Variants in NRG1 observed in about 807,000 individuals in gnomAD.
NRG1 encodes neuregulin 1, also known as pro-neuregulin-1, membrane-bound isoform.
A neutral mutation model predicts 63.8 loss-of-function variants in NRG1; 18 were observed. That is an observed-to-expected ratio of 0.28 (90% CI 0.19 to 0.42). The LOEUF is 0.42. Ranked by LOEUF, NRG1 falls within the 10% of genes least tolerant of loss-of-function variation. The pLI is 1.00. For missense variants in NRG1, 762 were observed against 814.7 expected (o/e 0.94, Z 0.79); for synonymous variants, 302 against 301.3 (o/e 1.00, Z -0.02).
intron 1 of NRG1, among the ~76,000 whole-genome samples, chr8:31,830,349 CCTTCCT>C: frequency 2.8e-4 from 30 of 105,916 alleles, no homozygotes; most frequent in African/African-American, 1.1e-3. Context: ...TTCCTTCCTT[CCTTCCT>C]TCCTTCCCTC....
intron 1 of NRG1, among the ~76,000 whole-genome samples, chr8:31,966,336 G>A (rs1806328523): frequency 6.6e-6 from 1 of 152,134 alleles, no homozygotes; most frequent in Admixed American, 6.5e-5. Flanking sequence ...TTTGCATTCT[G>A]GAGTAATAAT....
chr8:31,935,198 C>G (rs1262994641), intron 1 of NRG1, among the ~76,000 whole-genome samples: 1 of 152,044 alleles, frequency 6.6e-6, no homozygotes. Flanking sequence ...CTCACTGCAA[C>G]CTCAACCTCC....
At chr8:32,647,663 C>A in intron 5 of NRG1, 1 of 1,502,394 alleles carries the variant, frequency 6.7e-7, no homozygotes, top group South Asian at 1.4e-5. Flanking sequence ...TTGGGGGGGC[C>A]TCTGCGTGGT....
At chr8:31,791,882 C>A (rs1272193420) in intron 1 of NRG1, among the ~76,000 whole-genome samples, 6 of 152,178 alleles carry the variant, frequency 3.9e-5, no homozygotes, top group Non-Finnish European at 8.8e-5. Flanking sequence ...CAACTCCTGG[C>A]AGCCTACTTC....
chr8:32,409,201 T>C lies in NRG1; in HGVS notation c.38-186627T>C, dbSNP rs75625037. On this transcript the variant is annotated intron_variant, in intron 1 of 10. Coordinates refer to the NRG1 transcript ENST00000519301. The stretch of plus-strand genomic sequence containing the variant: ...GTGCTAGGAAAATTGGCTAGCCATA[T>C]GCAGAACAATGAAACTCGTTCCCCT... Among the ~76,000 whole-genome samples the C allele has an allele frequency of 6.4e-3, 969 of 152,262 alleles. 11 individuals carry two copies. Among genetic ancestry groups the C allele is most frequent in the African/African-American group, 0.022 (930 of 41,546 alleles).
chr8:32,188,114 T>C (rs79138047), intron 1 of NRG1, among the ~76,000 whole-genome samples: 5,654 of 152,118 alleles, frequency 0.037, 193 homozygotes, highest in African/African-American at 0.087. Flanking sequence ...TTTCCCAGGC[T>C]GGAGTGCAAT....
chr8:32,385,005 A>G (rs1258680268), intron 1 of NRG1, among the ~76,000 whole-genome samples: 1 of 152,154 alleles, frequency 6.6e-6, no homozygotes, highest in Non-Finnish European at 1.5e-5. Flanking sequence ...GTGCCTGTCT[A>G]TAGCTACTTA....
intron 1 of NRG1, among the ~76,000 whole-genome samples, chr8:32,250,952 C>A (rs1849034998): frequency 6.6e-6 from 1 of 151,790 alleles, no homozygotes. Context: ...ATATTCAGTG[C>A]CTTTTATATC....
At chr8:32,133,943 CT>C (rs971773166) in intron 1 of NRG1, among the ~76,000 whole-genome samples, 1 of 151,892 alleles carries the variant, frequency 6.6e-6, no homozygotes, top group African/African-American at 2.4e-5. Flanking sequence ...TTTTCAGCCA[CT>C]TTTTTTTGGA....
intron 3 of NRG1, among the ~76,000 whole-genome samples, chr8:32,608,110 T>G (rs1187451666): frequency 2.2e-4 from 29 of 129,086 alleles, no homozygotes; most frequent in African/African-American, 7.2e-4. Flanking sequence ...TTTTTTTGTT[T>G]TTTTTTTTTT....
rs1490660548 is a variant in NRG1 at position 32,315,221 on chromosome 8, C to T, written c.38-280607C>T. Among the ~76,000 whole-genome samples the T allele has an allele frequency of 1.3e-5, 2 of 152,194 alleles. 1 individual carries two copies. Among genetic ancestry groups the T allele is most frequent in the Admixed American group, 1.3e-4 (2 of 15,276 alleles). On this transcript the variant is annotated intron_variant, in intron 1 of 10. Transcript: ENST00000519301. ...AGCCCCACACGCATTAGCTGTTTGT[C>T]ATAGTGCTCTCCCTCTGCCCACCCC...
chr8:32,721,883 A>T, intron 5 of NRG1: 1 of 1,433,364 alleles, frequency 7.0e-7, no homozygotes, highest in South Asian at 1.6e-5. Flanking sequence ...GAACCACCTA[A>T]GCATTTTTTT....
At chr8:32,211,608 T>C (rs1308696245) in intron 1 of NRG1, among the ~76,000 whole-genome samples, 1 of 152,240 alleles carries the variant, frequency 6.6e-6, no homozygotes, top group East Asian at 1.9e-4. Flanking sequence ...GGGTGAATTA[T>C]GGCATCTTGC....
chr8:31,647,147 C>T (rs528065750), intron 1 of NRG1, among the ~76,000 whole-genome samples: 7 of 152,190 alleles, frequency 4.6e-5, no homozygotes, highest in Non-Finnish European at 8.8e-5. Flanking sequence ...TTTGTGTTCT[C>T]CTTGGATCTC....
chr8:32,313,620 G>C (rs1181239981), intron 1 of NRG1, among the ~76,000 whole-genome samples: 1 of 152,164 alleles, frequency 6.6e-6, no homozygotes, highest in South Asian at 2.1e-4. Flanking sequence ...AGATGTGCTT[G>C]TTCCTTTAAA....
intron 1 of NRG1, among the ~76,000 whole-genome samples, chr8:32,329,001 C>T (rs1428887841): frequency 6.7e-6 from 1 of 150,078 alleles, no homozygotes; most frequent in Non-Finnish European, 1.5e-5. Context: ...CAATGTCTCA[C>T]TCTGTCACCC....
chr8:32,123,517 T>A (rs1173607345), intron 1 of NRG1, among the ~76,000 whole-genome samples: 4 of 151,566 alleles, frequency 2.6e-5, no homozygotes, highest in Non-Finnish European at 4.4e-5. Flanking sequence ...GTCTTGGGTA[T>A]GTCTTCATTA....
intron 1 of NRG1, among the ~76,000 whole-genome samples, chr8:32,235,561 G>A (rs1222862950): frequency 1.3e-5 from 2 of 152,126 alleles, no homozygotes; most frequent in African/African-American, 4.8e-5. Flanking sequence ...TAGTTGGTAA[G>A]TCTAGGATGA....
intron 1 of NRG1, among the ~76,000 whole-genome samples, chr8:32,525,340 G>C (rs1190998215): frequency 6.6e-6 from 1 of 151,844 alleles, no homozygotes; most frequent in Non-Finnish European, 1.5e-5. Context: ...TTTGTCACAA[G>C]GAAGGCAGTT....
Sources: gnomAD v4.1 joint callset for allele counts (sites outside exome capture counted in the v4.1 genomes callset) on GRCh38, gnomAD v4.1.1 for gene constraint, MANE v1.5 for transcripts, NCBI Gene and HGNC (gene_info 2026-07-23, HGNC 2026-07-21) for gene names.